Variants in CAGE1 observed in about 807,000 individuals in gnomAD.
CAGE1 encodes cancer-associated gene 1 protein.
Under a neutral mutation model 94.9 loss-of-function variants are expected in CAGE1, and 66 were observed. The ratio of observed to expected loss-of-function variants is 0.70; its 90% CI spans 0.57 to 0.85. CAGE1 has a LOEUF of 0.85. CAGE1 is among the 40% of genes least tolerant of loss of function. CAGE1 has a pLI of 0.00. For missense variants in CAGE1, 865 were observed against 950.4 expected, an observed-to-expected ratio of 0.91 and a Z score of 1.18; for synonymous variants, 319 against 321.0, an observed-to-expected ratio of 0.99 and a Z score of 0.07.
At chr6:7,359,901 G>A (rs1760111648) in intron 9 of CAGE1, among the ~76,000 whole-genome samples, 1 of 152,216 alleles carries the variant, frequency 6.6e-6, no homozygotes, top group African/African-American at 2.4e-5. Context: ...AACACAAAGT[G>A]ATTATCTTAT....
intron 11 of CAGE1, among the ~76,000 whole-genome samples, chr6:7,344,633 C>A (rs1483299999): frequency 1.3e-5 from 2 of 152,238 alleles, no homozygotes; most frequent in Non-Finnish European, 1.5e-5. Flanking sequence ...AGCAGCTCCA[C>A]CTGCAGCCCC....
At chr6:7,364,285 G>A (rs1760254666) in intron 9 of CAGE1, among the ~76,000 whole-genome samples, 2 of 152,140 alleles carry the variant, frequency 1.3e-5, no homozygotes, top group African/African-American at 4.8e-5. Flanking sequence ...TCTGTTAGAT[G>A]CCAGCCATTG....
chr6:7,357,356 C>G (rs1179274884), intron 9 of CAGE1, among the ~76,000 whole-genome samples: 1 of 152,078 alleles, frequency 6.6e-6, no homozygotes, highest in Non-Finnish European at 1.5e-5. Context: ...ATGTTAGGCT[C>G]TTTTCATCCC....
chr6:7,345,916 G>A (rs191339435), intron 11 of CAGE1, among the ~76,000 whole-genome samples: 2 of 151,646 alleles, frequency 1.3e-5, no homozygotes, highest in Non-Finnish European at 2.9e-5. Flanking sequence ...CAGAACGAGA[G>A]TCCATCTCAA....
intron 13 of CAGE1, among the ~76,000 whole-genome samples, chr6:7,328,893 TG>T (rs1758626058): frequency 1.1e-5 from 1 of 91,762 alleles, no homozygotes; most frequent in Non-Finnish European, 2.3e-5. Context: ...TGTGTGTGTG[TG>T]TGTGTGTGTG....
intron 1 of CAGE1, among the ~76,000 whole-genome samples, chr6:7,388,139 G>T (rs896602586): frequency 2.6e-5 from 4 of 151,790 alleles, no homozygotes; most frequent in Non-Finnish European, 5.9e-5. Context: ...CCTGTCCAGA[G>T]CTCCAGAGCT....
At chr6:7,347,328 T>G (rs1759584842) in intron 11 of CAGE1, 1 of 151,924 alleles carries the variant, frequency 6.6e-6, no homozygotes, top group Admixed American at 6.6e-5. Context: ...AAACCCCAAC[T>G]GAAGAAAATG....
rs1759979814 is a variant in CAGE1 at position 7,357,019 on chromosome 6, A to G, written c.2194-890T>C. Among the ~76,000 whole-genome samples, 3 of 151,744 alleles carry G rather than the reference A, an allele frequency of 2.0e-5. No individual in the cohort carries two copies. In the East Asian group the frequency reaches 5.8e-4, roughly 29 times the overall value. ...ACCATGTTGGCCAGGCTGGTCTTGA[A>G]CTCCTGAGCTCAGGTGATCCGCCCC... On this transcript the variant is annotated intron_variant, in intron 9 of 13. Transcript: ENST00000502583.
intron 11 of CAGE1, among the ~76,000 whole-genome samples, chr6:7,343,937 GAT>G (rs1341943109): frequency 1.3e-5 from 2 of 152,220 alleles, no homozygotes; most frequent in Non-Finnish European, 2.9e-5. Context: ...GAAGAAATGG[GAT>G]AGATTCATCA....
intron 7 of CAGE1, among the ~76,000 whole-genome samples, chr6:7,366,245 CAA>C (rs775283906): frequency 2.3e-4 from 16 of 71,100 alleles, no homozygotes; most frequent in Admixed American, 3.3e-4. Context: ...GACTCTGTCT[CAA>C]AAAAAAAAAA....
In CAGE1 at chr6:7,378,746, A is replaced by C. The variant is rs1561866890; in HGVS notation, c.558T>G (p.Pro186=). The part of the protein sequence containing the change: ...DQLGNEYFRQ[P]PPRSPPLIHC... ...GGATTAGAGGCGGGCTTCTAGGAGG[A>C]GGCTGTCTAAAATACTCGTTACCAA... Residue 186 remains proline, a synonymous_variant, in exon 4 of 14, where the codon CCT becomes CCG. Transcript: ENST00000502583. 3.1e-6 allele frequency: 5 copies of C among 1,613,960 alleles called. No individual in the cohort carries two copies. The highest frequency in any genetic ancestry group is 4.2e-6 in the Non-Finnish European group (5 of 1,179,868).
At chr6:7,344,684 T>G (rs1759359341) in intron 11 of CAGE1, among the ~76,000 whole-genome samples, 1 of 152,166 alleles carries the variant, frequency 6.6e-6, no homozygotes, top group Non-Finnish European at 1.5e-5. Context: ...AGCTTCTGAG[T>G]CTGGTGGGAA....
intron 12 of CAGE1, among the ~76,000 whole-genome samples, chr6:7,330,578 A>G (rs1758709626): frequency 1.3e-5 from 2 of 152,156 alleles, no homozygotes; most frequent in African/African-American, 2.4e-5. Flanking sequence ...CTTATTTCCC[A>G]CTATTTCCAC....
At position 7,340,660 on chromosome 6, in the gene CAGE1, T is replaced by C. The variant is rs374876629; in HGVS notation, c.2370-6570A>G. Among the ~76,000 whole-genome samples the C allele has an allele frequency of 1.5e-4, 23 of 152,224 alleles. No homozygotes were observed. In the East Asian group the frequency reaches 3.9e-3, roughly 26 times the overall value. ...TAAGGAGGGTGATGACTGGGTCAGA[T>C]GAGATCTTCCTGGAGGAGCCCACAA... On this transcript the variant is annotated intron_variant, in intron 11 of 13. Coordinates refer to ENST00000502583, the MANE Select transcript of CAGE1 (RefSeq NM_001170692.2).
intron 12 of CAGE1, among the ~76,000 whole-genome samples, chr6:7,333,678 T>C (rs1200734622): frequency 2.6e-5 from 1 of 38,234 alleles, no homozygotes; most frequent in South Asian, 7.2e-4. Context: ...ATATATACAT[T>C]TTTTTTTTGA....
chr6:7,327,013 C>A, intron 13 of CAGE1, 114 bp from the exon 14 acceptor site: 1 of 736,648 alleles, frequency 1.4e-6, no homozygotes, highest in South Asian at 1.5e-5. Flanking sequence ...GCAAAGTAAG[C>A]CTATAGATAG....
chr6:7,349,647 C>T (rs1009186861), intron 11 of CAGE1, among the ~76,000 whole-genome samples: 3 of 152,142 alleles, frequency 2.0e-5, no homozygotes, highest in Non-Finnish European at 2.9e-5. Flanking sequence ...GATAAGAACT[C>T]ACTGGCCAGG....
intron 11 of CAGE1, among the ~76,000 whole-genome samples, chr6:7,344,322 G>A (rs999243023): frequency 1.8e-4 from 28 of 152,236 alleles, no homozygotes; most frequent in African/African-American, 5.1e-4. Flanking sequence ...GCAGCCAGCC[G>A]GCCCTGCCAG....
At position 7,385,888 on chromosome 6, in the gene CAGE1, A is replaced by G; in HGVS notation, c.196-16T>C. 7.4e-7 allele frequency: 1 copy of G among 1,359,212 alleles called. No individual in the cohort carries two copies. The highest frequency in any genetic ancestry group is 2.6e-5 in the East Asian group (1 of 39,040). 84.2% of individuals were successfully genotyped at this position (1,359,212 alleles called of 1,614,324 possible). ...TTATTTCGTTCTGTATTAATAAAAAAGGCATCAATACTTCAAGCAAACATC... is the reference window on the plus strand; with the variant it reads ...TTATTTCGTTCTGTATTAATAAAAAGGGCATCAATACTTCAAGCAAACATC... On this transcript the variant is annotated splice_polypyrimidine_tract_variant and intron_variant, in intron 2 of 13. Coordinates refer to ENST00000502583, the MANE Select transcript of CAGE1 (RefSeq NM_001170692.2).
Sources: gnomAD v4.1 joint callset for allele counts (sites outside exome capture counted in the v4.1 genomes callset) on GRCh38, gnomAD v4.1.1 for gene constraint, MANE v1.5 for transcripts, NCBI Gene and HGNC (gene_info 2026-07-23, HGNC 2026-07-21) for gene names.